SLC14A2: variants seen among roughly 807,000 people sequenced by gnomAD.
SLC14A2 encodes the protein urea transporter 2.
Under a neutral mutation model 104.6 loss-of-function variants are expected in SLC14A2, and 91 were observed. The observed-to-expected ratio is 0.87, with a 90% CI of 0.73 to 1.04. The LOEUF is 1.04. Ranked by LOEUF, SLC14A2 falls within the 50% of genes least tolerant of loss-of-function variation. The probability of loss-of-function intolerance (pLI) is 0.00; values close to 1 mark genes in which losing one functional copy is unlikely to be tolerated. For missense variants in SLC14A2, 1,189 were observed against 1,156.0 expected (o/e 1.03, Z -0.41); for synonymous variants, 476 against 466.4 (o/e 1.02, Z -0.27).
Position 45,354,879 on chromosome 18 carries a change from C to G in SLC14A2, c.-124-128354C>G, listed in dbSNP as rs545911095. ...CCCAAAGGACTTTCAGCTGTGTGGA[C>G]TGGGCACTCACTAAAAGATGTCAAT... On this transcript the variant is annotated intron_variant, in intron 1 of 20. Coordinates refer to the SLC14A2 transcript ENST00000586448. Among the ~76,000 whole-genome samples the G allele has an allele frequency of 6.6e-5, 10 of 152,322 alleles. No homozygotes were observed. The East Asian group carries it at 1.9e-3, about 29-fold the overall frequency.
intron 1 of SLC14A2, among the ~76,000 whole-genome samples, chr18:45,411,268 T>G (rs1012345269): frequency 1.3e-5 from 2 of 152,240 alleles, no homozygotes; most frequent in African/African-American, 4.8e-5. Flanking sequence ...ATTTATCCAG[T>G]GCTTTTGTAT....
intron 1 of SLC14A2, among the ~76,000 whole-genome samples, chr18:45,439,555 C>A (rs2086650499): frequency 6.6e-6 from 1 of 152,108 alleles, no homozygotes; most frequent in Non-Finnish European, 1.5e-5. Context: ...GGAACACAAC[C>A]AACCTGTTTC....
intron 1 of SLC14A2, among the ~76,000 whole-genome samples, chr18:45,413,951 G>A (rs977471738): frequency 9.3e-5 from 14 of 151,072 alleles, no homozygotes; most frequent in East Asian, 1.9e-4. Context: ...CTAATAGAGC[G>A]TAAAAAAAAA....
chr18:45,239,008 G>T (rs1051067683), intron 1 of SLC14A2, among the ~76,000 whole-genome samples: 1 of 152,154 alleles, frequency 6.6e-6, no homozygotes. Flanking sequence ...TCTTTAATAA[G>T]TGTATATAAG....
At chr18:45,633,649 C>G (rs1403862215) in intron 5 of SLC14A2, among the ~76,000 whole-genome samples, 3 of 152,306 alleles carry the variant, frequency 2.0e-5, no homozygotes, top group East Asian at 3.9e-4. Context: ...CTCAACTTCC[C>G]TCAAACAGTG....
chr18:45,615,803 A>T lies in SLC14A2; in HGVS notation c.-35+221A>T, dbSNP rs185128918. Reference sequence around the variant, plus strand: ...TATATAAGTATGTGTGCATGTGTGTATGTGTAGGGGTGTATGTGTGTGTGT... The same window carrying T: ...TATATAAGTATGTGTGCATGTGTGTTTGTGTAGGGGTGTATGTGTGTGTGT... On this transcript the variant is annotated intron_variant, in intron 1 of 19. Coordinates refer to ENST00000255226, the MANE Select transcript of SLC14A2 (RefSeq NM_007163.4). Among the ~76,000 whole-genome samples, 302 of 149,114 alleles carry T rather than the reference A, an allele frequency of 2.0e-3. 2 individuals are homozygous for T. Among genetic ancestry groups the T allele is most frequent in the Non-Finnish European group, 1.5e-3 (101 of 67,338 alleles).
At chr18:45,247,199 G>A (rs1381554) in intron 1 of SLC14A2, among the ~76,000 whole-genome samples, 1 of 152,178 alleles carries the variant, frequency 6.6e-6, no homozygotes, top group African/African-American at 2.4e-5. Context: ...ACTGTTAGCA[G>A]AATTACTACT....
intron 1 of SLC14A2, among the ~76,000 whole-genome samples, chr18:45,385,928 C>T (rs965893718): frequency 5.3e-5 from 8 of 152,230 alleles, no homozygotes; most frequent in African/African-American, 1.9e-4. Flanking sequence ...TCACTGAGCC[C>T]CCACCATGTC....
intron 5 of SLC14A2, 104 bp from the exon 6 acceptor site, chr18:45,636,886 T>C: frequency 1.2e-6 from 1 of 808,226 alleles, no homozygotes; most frequent in Non-Finnish European, 2.0e-6. Context: ...AGGAATGCTG[T>C]GCCTAGGAGA....
At chr18:45,317,882 C>T (rs1301911551) in intron 1 of SLC14A2, among the ~76,000 whole-genome samples, 2 of 152,138 alleles carry the variant, frequency 1.3e-5, no homozygotes, top group Non-Finnish European at 2.9e-5. Context: ...TCCTTTGGAT[C>T]GCAGTGGGGG....
At chr18:45,271,845 G>T (rs1360662016) in intron 1 of SLC14A2, among the ~76,000 whole-genome samples, 1 of 152,020 alleles carries the variant, frequency 6.6e-6, no homozygotes, top group Admixed American at 6.6e-5. Flanking sequence ...AGCCAAAGCT[G>T]TCTTAAGCAA....
intron 2 of SLC14A2, among the ~76,000 whole-genome samples, chr18:45,537,791 A>G (rs1385242192): frequency 6.6e-6 from 1 of 152,166 alleles, no homozygotes; most frequent in African/African-American, 2.4e-5. Flanking sequence ...CCCTAACTGC[A>G]ATGGGGAAAT....
chr18:45,310,565 T>C (rs187142010), intron 1 of SLC14A2, among the ~76,000 whole-genome samples: 62 of 152,328 alleles, frequency 4.1e-4, no homozygotes, highest in African/African-American at 1.4e-3. Context: ...TTCCTAGATA[T>C]TGGTTTAAAA....
chr18:45,381,998 C>G (rs914034732), intron 1 of SLC14A2, among the ~76,000 whole-genome samples: 1 of 152,254 alleles, frequency 6.6e-6, no homozygotes, highest in South Asian at 2.1e-4. Context: ...ATAACATTTC[C>G]GCTTAGCACC....
the SLC14A2 span, among the ~76,000 whole-genome samples, chr18:45,183,428 G>A: frequency 0.011 from 1,725 of 152,092 alleles, 19 homozygotes; most frequent in Non-Finnish European, 0.015. Flanking sequence ...CAGCCTACTC[G>A]CACCATATAA....
chr18:45,357,768 G>A (rs933696159), intron 1 of SLC14A2, among the ~76,000 whole-genome samples: 2 of 152,098 alleles, frequency 1.3e-5, no homozygotes, highest in African/African-American at 4.8e-5. Flanking sequence ...TTCAGGCAGT[G>A]GACTTGCAGG....
intron 1 of SLC14A2, among the ~76,000 whole-genome samples, chr18:45,241,469 T>A (rs2084314957): frequency 6.6e-6 from 1 of 151,970 alleles, no homozygotes; most frequent in Non-Finnish European, 1.5e-5. Context: ...AGAAACCACT[T>A]TCTATCTGCT....
intron 1 of SLC14A2, among the ~76,000 whole-genome samples, chr18:45,427,287 G>A (rs1193821082): frequency 6.6e-6 from 1 of 151,586 alleles, no homozygotes; most frequent in African/African-American, 2.4e-5. Flanking sequence ...GGACTCTCCT[G>A]GAAATCAGGA....
chr18:45,241,801 G>A (rs1032289251), intron 1 of SLC14A2, among the ~76,000 whole-genome samples: 3 of 151,848 alleles, frequency 2.0e-5, no homozygotes, highest in Admixed American at 6.6e-5. Flanking sequence ...GTACCACCAC[G>A]CCCAGTTAAT....
Sources: gnomAD v4.1 joint callset for allele counts (sites outside exome capture counted in the v4.1 genomes callset) on GRCh38, gnomAD v4.1.1 for gene constraint, MANE v1.5 for transcripts, NCBI Gene and HGNC (gene_info 2026-07-23, HGNC 2026-07-21) for gene names.